MFSD2A: variants seen among roughly 807,000 people sequenced by gnomAD.
MFSD2A encodes MFSD2 lysolipid transporter A, lysophospholipid.
A neutral mutation model predicts 64.7 loss-of-function variants in MFSD2A; 27 were observed. The ratio of observed to expected loss-of-function variants is 0.42; its 90% CI spans 0.31 to 0.58. The LOEUF is 0.58. Ranked by LOEUF, MFSD2A falls within the 20% of genes least tolerant of loss-of-function variation. The pLI is 0.18. For missense variants in MFSD2A, 474 were observed against 679.5 expected (o/e 0.70, Z 3.36); for synonymous variants, 258 against 273.4 (o/e 0.94, Z 0.55).
Position 39,966,947 on chromosome 1 carries a change from A to G in MFSD2A, c.927+15A>G. On this transcript the variant is annotated intron_variant, in intron 8 of 13. Coordinates refer to ENST00000372811, the MANE Select transcript of MFSD2A (RefSeq NM_032793.5). ...TGGCTTTCATGGTGAGTGGGTTCTG[A>G]CATGCTCAGCCTGAGAAGGAGGTGT... The G allele has an allele frequency of 6.2e-7, 1 of 1,613,196 alleles. No homozygotes were observed.
chr1:39,963,737 A>AGTTT lies in MFSD2A; in HGVS notation c.354-1460_354-1457dup, dbSNP rs372312839. ...CACATTAAGGATGTAATAATCAAGG[A>AGTTT]GTTTGTTTGTTTGTTTGAGACAGGG... On this transcript the variant is annotated intron_variant, in intron 3 of 13. Transcript: ENST00000372811. This position sits in a 1 kb window ranked among gnomAD's most constrained non-coding sequence, Gnocchi z 4.2. Among the ~76,000 whole-genome samples, 662 of 151,956 alleles carry AGTTT rather than the reference A, an allele frequency of 4.4e-3. 10 individuals carry two copies. Among genetic ancestry groups the AGTTT allele is most frequent in the African/African-American group, 0.015 (630 of 41,396 alleles).
rs1373526834 is a variant in MFSD2A at position 39,965,014 on chromosome 1, T to G, written c.354-197T>G. On this transcript the variant is annotated intron_variant, in intron 3 of 13. Transcript: ENST00000372811. The surrounding 1 kb of genome is among the most constrained non-coding windows in gnomAD (Gnocchi z 5.5). ...CTAGGATTTCAGTCTGGGGTCCCAG[T>G]TCCCATCTGCCATTCCGGGCTTGGT... is the stretch of plus-strand genomic sequence containing the variant. 1 of 664,702 alleles carries G rather than the reference T, an allele frequency of 1.5e-6. No individual in the cohort carries two copies. Among genetic ancestry groups the G allele is most frequent in the Non-Finnish European group, 2.5e-6 (1 of 397,320 alleles). The allele number at this position is 664,702 out of a possible 1,614,324, so 41.2% of individuals were successfully genotyped here.
rs1223310125 is a variant in MFSD2A, at chr1:39,968,277, T to C, written c.1209-57T>C. 15 of 1,611,396 alleles carry C rather than the reference T, an allele frequency of 9.3e-6. No homozygotes were observed. Among genetic ancestry groups the C allele is most frequent in the Middle Eastern group, 1.6e-4 (1 of 6,072 alleles). On this transcript the variant is annotated intron_variant, in intron 11 of 13. Coordinates refer to ENST00000372811, the MANE Select transcript of MFSD2A (RefSeq NM_032793.5). This position sits in a 1 kb window ranked among gnomAD's most constrained non-coding sequence, Gnocchi z 4.4. Reference sequence around the variant, plus strand: ...GCTTCCAGAGGGCCACCTCTTCTCATTAACACAGAGGCCCGTTAGGTGGGT... The same window carrying C: ...GCTTCCAGAGGGCCACCTCTTCTCACTAACACAGAGGCCCGTTAGGTGGGT...
Position 39,965,858 on chromosome 1 carries a change from G to T in MFSD2A, c.558G>T (p.Arg186=). The T allele has an allele frequency of 6.2e-7, 1 of 1,613,794 alleles. No homozygotes were observed. Among genetic ancestry groups the T allele is most frequent in the Non-Finnish European group, 8.5e-7 (1 of 1,180,016 alleles). The stretch of plus-strand genomic sequence containing the variant: ...AAACACCTCCTTTTCTCCTGCCAGG[G>T]ATGACTGTGGAAGTGCTGGGCACAG... The part of the protein sequence containing the change: ...QTERDSATAY[R]MTVEVLGTVL... The change falls in exon 6 of 14, where the codon CGG becomes CGT. Residue 186 remains arginine (R), a splice_region_variant and synonymous_variant. Transcript: ENST00000372811. The surrounding 1 kb of genome is among the most constrained non-coding windows in gnomAD (Gnocchi z 5.5).
At position 39,955,330 on chromosome 1, in the gene MFSD2A, C is replaced by T. The variant is rs766903437; in HGVS notation, c.38C>T (p.Ala13Val). 12 of 1,444,482 alleles carry T rather than the reference C, an allele frequency of 8.3e-6. No individual in the cohort carries two copies. The highest frequency in any genetic ancestry group is 3.1e-5 in the South Asian group (2 of 65,310). 89.5% of individuals were successfully genotyped at this position (1,444,482 alleles called of 1,614,324 possible). The part of the protein sequence containing the change: ...KGEGAESGSA[A>V]GLLPTSILQS... ...GAAGGCGCCGAGAGCGGCTCCGCGG[C>T]GGGGCTGCTACCCACCAGCATCCTC... is the stretch of plus-strand genomic sequence containing the variant. Residue 13 changes from alanine to valine, a missense_variant, in exon 1 of 14, where the codon GCG (alanine) becomes GTG (valine). By Grantham distance (64) the Ala-to-Val change is moderately conservative. Coordinates refer to ENST00000372811, the MANE Select transcript of MFSD2A (RefSeq NM_032793.5). This position sits in a 1 kb window ranked among gnomAD's most constrained non-coding sequence, Gnocchi z 5.9.
At chr1:39,966,136 A>T (rs1282090406) in intron 6 of MFSD2A, 122 bp downstream of exon 6, 6 of 1,132,644 alleles carry the variant, frequency 5.3e-6, no homozygotes, top group African/African-American at 1.6e-5. Flanking sequence ...GATATACATA[A>T]CAATTAATGC....
At position 39,969,763 on chromosome 1, in the gene MFSD2A, G is replaced by A; in HGVS notation, c.*195G>A. ...CCTCCTGCCTCCCCTCTGCCTGCCT[G>A]TGGGGCCAAGCCCTGGGGCTGCCAC... On this transcript the variant is annotated 3_prime_UTR_variant, in exon 14 of 14. Coordinates refer to ENST00000372811, the MANE Select transcript of MFSD2A (RefSeq NM_032793.5). 3.4e-6 allele frequency: 2 copies of A among 589,560 alleles called. No homozygotes were observed. The highest frequency in any genetic ancestry group is 6.0e-6 in the Non-Finnish European group (2 of 334,802). 36.5% of individuals were successfully genotyped at this position (589,560 alleles called of 1,614,324 possible).
chr1:39,968,904 T>C lies in MFSD2A; in HGVS notation c.1529+159T>C, dbSNP rs892806712. ...CACCAGGCACTGTGTTAAGTGGTCTTACCTTTATTCAACAAATACATACTG... is the reference window on the plus strand; with the variant it reads ...CACCAGGCACTGTGTTAAGTGGTCTCACCTTTATTCAACAAATACATACTG... On this transcript the variant is annotated intron_variant, in intron 13 of 13. Coordinates refer to ENST00000372811, the MANE Select transcript of MFSD2A (RefSeq NM_032793.5). The surrounding 1 kb of genome is among the most constrained non-coding windows in gnomAD (Gnocchi z 4.4). Among the ~76,000 whole-genome samples the C allele has an allele frequency of 2.6e-5, 4 of 152,182 alleles. No homozygotes were observed. Among genetic ancestry groups the C allele is most frequent in the Non-Finnish European group, 5.9e-5 (4 of 68,032 alleles).
chr1:39,962,293 G>C (rs112998806), intron 3 of MFSD2A, among the ~76,000 whole-genome samples: 2,508 of 152,208 alleles, frequency 0.016, 52 homozygotes, highest in African/African-American at 0.057. Context: ...ATGTCTAAAA[G>C]GCCAACTCCC....
chr1:39,969,768 G>A lies in MFSD2A; in HGVS notation c.*200G>A. 2 of 585,398 alleles carry A rather than the reference G, an allele frequency of 3.4e-6. No individual in the cohort carries two copies. The highest frequency in any genetic ancestry group is 6.0e-6 in the Non-Finnish European group (2 of 332,154). The allele number at this position is 585,398 out of a possible 1,614,324, so 36.3% of individuals were successfully genotyped here. A position where few individuals can be genotyped will look rare whatever the true frequency, so the allele number is the denominator to read the frequency against. On this transcript the variant is annotated 3_prime_UTR_variant, in exon 14 of 14. Transcript: ENST00000372811. ...TGCCTCCCCTCTGCCTGCCTGTGGG[G>A]CCAAGCCCTGGGGCTGCCACTGTGA...
chr1:39,963,094 A>C lies in MFSD2A; in HGVS notation c.354-2117A>C. ...AGCAAGCCCCACACCGTCCCTTGCA[A>C]GGTGACAGGCCGCTGCGGCTCTGTG... On this transcript the variant is annotated intron_variant, in intron 3 of 13. Coordinates refer to ENST00000372811, the MANE Select transcript of MFSD2A (RefSeq NM_032793.5). This position sits in a 1 kb window ranked among gnomAD's most constrained non-coding sequence, Gnocchi z 4.2. The C allele has an allele frequency of 7.3e-7, 1 of 1,369,318 alleles. No individual in the cohort carries two copies. The highest frequency in any genetic ancestry group is 1.0e-6 in the Non-Finnish European group (1 of 988,078). The allele number at this position is 1,369,318 out of a possible 1,614,324, so 84.8% of individuals were successfully genotyped here.
rs1044732580 is a variant in MFSD2A at position 39,969,744 on chromosome 1, G to A, written c.*176G>A. ...GGGGCCGGCTGCTCTGTGGCCTCCT[G>A]CCTCCCCTCTGCCTGCCTGTGGGGC... On this transcript the variant is annotated 3_prime_UTR_variant, in exon 14 of 14. Transcript: ENST00000372811. 9 of 619,862 alleles carry A rather than the reference G, an allele frequency of 1.5e-5. No individual in the cohort carries two copies. In the East Asian group the frequency reaches 2.9e-4, roughly 20 times the overall value. 38.4% of individuals were successfully genotyped at this position (619,862 alleles called of 1,614,324 possible).
At position 39,965,956 on chromosome 1, in the gene MFSD2A, C is replaced by G. The variant is rs763332266; in HGVS notation, c.656C>G (p.Ser219Cys). Residue 219 changes from serine to cysteine, a missense_variant, in exon 6 of 14, where the codon TCT (serine) becomes TGT (cysteine). Physicochemically the swap from Ser to Cys is moderately radical, Grantham distance 112. Coordinates refer to ENST00000372811, the MANE Select transcript of MFSD2A (RefSeq NM_032793.5). This position sits in a 1 kb window ranked among gnomAD's most constrained non-coding sequence, Gnocchi z 5.5. ...CCTTGTTTCCAGGACCTCAATAGCT[C>G]TACAGTAGCTTCACAAAGTGCCAAC... is the stretch of plus-strand genomic sequence containing the variant. The part of the protein sequence containing the change: ...DTPCFQDLNS[S>C]TVASQSANHT... 6.2e-7 allele frequency: 1 copy of G among 1,614,148 alleles called. No individual in the cohort carries two copies.
At chr1:39,966,075 C>A (rs1645155100) in intron 6 of MFSD2A, 61 bp downstream of exon 6, 5 of 1,576,716 alleles carry the variant, frequency 3.2e-6, no homozygotes, top group Non-Finnish European at 4.3e-6. Flanking sequence ...GGTTTGTAGT[C>A]ATCCTAAAGA....
chr1:39,962,086 A>G (rs1465714207), intron 3 of MFSD2A, among the ~76,000 whole-genome samples: 1 of 152,224 alleles, frequency 6.6e-6, no homozygotes, highest in African/African-American at 2.4e-5. Flanking sequence ...AGTTACTTCA[A>G]TCCTGTGAAC....
intron 1 of MFSD2A, 151 bp from the exon 2 acceptor site, chr1:39,956,936 A>AG (rs1644942807): frequency 5.7e-6 from 4 of 705,132 alleles, no homozygotes; most frequent in African/African-American, 1.8e-5. Context: ...AAAAAAAAAA[A>AG]AAAAAAAAAG....
chr1:39,966,050 A>G, intron 6 of MFSD2A, 36 bp downstream of exon 6: 2 of 1,611,088 alleles, frequency 1.2e-6, no homozygotes, highest in South Asian at 2.2e-5. Context: ...TTGGGGAGAT[A>G]AGGAACAGTG....
Position 39,955,792 on chromosome 1 carries a change from C to G in MFSD2A, c.93+407C>G. 1 of 391,328 alleles carries G rather than the reference C, an allele frequency of 2.6e-6. No homozygotes were observed. The highest frequency in any genetic ancestry group is 1.9e-5 in the South Asian group (1 of 52,154). 24.2% of individuals were successfully genotyped at this position (391,328 alleles called of 1,614,324 possible). On this transcript the variant is annotated intron_variant, in intron 1 of 13. Coordinates refer to ENST00000372811, the MANE Select transcript of MFSD2A (RefSeq NM_032793.5). This position sits in a 1 kb window ranked among gnomAD's most constrained non-coding sequence, Gnocchi z 5.9. ...CCACTCCACCCACCTACTCTTGCGCCTCAACTCTGCTGTTAGGGCCGCTCA... is the reference window on the plus strand; with the variant it reads ...CCACTCCACCCACCTACTCTTGCGCGTCAACTCTGCTGTTAGGGCCGCTCA...
In MFSD2A at chr1:39,961,000, G is replaced by A. The variant is rs1218226544; in HGVS notation, c.353+2175G>A. Among the ~76,000 whole-genome samples, 1 of 152,088 alleles carries A rather than the reference G, an allele frequency of 6.6e-6. No individual in the cohort carries two copies. Among genetic ancestry groups the A allele is most frequent in the Non-Finnish European group, 1.5e-5 (1 of 68,012 alleles). On this transcript the variant is annotated intron_variant, in intron 3 of 13. Transcript: ENST00000372811. This position sits in a 1 kb window ranked among gnomAD's most constrained non-coding sequence, Gnocchi z 4.8. ...CCAAACTTTTTTTCCTTTTTGTGGT[G>A]AATGGGGTCTGGCTATGTTGCTCAG...
Sources: gnomAD v4.1 joint callset for allele counts (sites outside exome capture counted in the v4.1 genomes callset) on GRCh38, gnomAD v4.1.1 for gene constraint, Gnocchi (gnomAD v3.1) non-coding constraint, MANE v1.5 for transcripts, NCBI Gene and HGNC (gene_info 2026-07-23, HGNC 2026-07-21) for gene names.